Variants in AHCYL2 observed in about 807,000 individuals in gnomAD.
The protein encoded by AHCYL2 is S-adenosylhomocysteine hydrolase-like protein 2.
A neutral mutation model predicts 81.4 loss-of-function variants in AHCYL2; 28 were observed. That is an observed-to-expected ratio of 0.34 (90% confidence interval 0.25 to 0.47). AHCYL2 has a LOEUF of 0.47. Ranked by LOEUF, AHCYL2 falls within the 20% of genes least tolerant of loss-of-function variation. AHCYL2 has a pLI of 1.00. For missense variants in AHCYL2, 551 were observed against 785.1 expected (o/e 0.70, Z 3.56); for synonymous variants, 272 against 290.2 (o/e 0.94, Z 0.64).
intron 1 of AHCYL2, among the ~76,000 whole-genome samples, chr7:129,225,752 G>A (rs1427064765): frequency 1.3e-5 from 2 of 152,266 alleles, no homozygotes; most frequent in East Asian, 1.9e-4. Flanking sequence ...ACGCTCCCGG[G>A]TGTGATTTTC....
chr7:129,386,343 A>G (rs935983264), intron 2 of AHCYL2, among the ~76,000 whole-genome samples: 1 of 152,100 alleles, frequency 6.6e-6, no homozygotes, highest in African/African-American at 2.4e-5. Context: ...GGCTCCTGTA[A>G]TCCCAGCTAC....
chr7:129,271,359 CAAAAAAAAA>C (rs3042852), intron 1 of AHCYL2, among the ~76,000 whole-genome samples: 3 of 86,824 alleles, frequency 3.5e-5, no homozygotes, highest in African/African-American at 1.3e-4. Flanking sequence ...AGACTGTCTC[CAAAAAAAAA>C]AAAAAAAAAA....
At chr7:129,285,044 G>A (rs1796580440) in intron 1 of AHCYL2, among the ~76,000 whole-genome samples, 2 of 152,196 alleles carry the variant, frequency 1.3e-5, no homozygotes, top group African/African-American at 4.8e-5. Flanking sequence ...AGAGGCCAGT[G>A]CTGCTCAGGG....
intron 1 of AHCYL2, among the ~76,000 whole-genome samples, chr7:129,267,049 G>GA (rs1439662142): frequency 6.6e-6 from 1 of 151,998 alleles, no homozygotes; most frequent in Non-Finnish European, 1.5e-5. Context: ...GCAGCCATCA[G>GA]AAATGATGTT....
At chr7:129,377,828 A>G (rs1301962496) in intron 1 of AHCYL2, among the ~76,000 whole-genome samples, 3 of 152,184 alleles carry the variant, frequency 2.0e-5, no homozygotes, top group Non-Finnish European at 2.9e-5. Context: ...TGGAACCTCC[A>G]ACAATAGGAG....
At chr7:129,267,161 T>C (rs1368296143) in intron 1 of AHCYL2, among the ~76,000 whole-genome samples, 1 of 151,646 alleles carries the variant, frequency 6.6e-6, no homozygotes, top group African/African-American at 2.4e-5. Context: ...AAATTTAACA[T>C]GAGTGGGGTG....
chr7:129,230,537 G>C (rs1388688353), intron 1 of AHCYL2, among the ~76,000 whole-genome samples: 2 of 151,160 alleles, frequency 1.3e-5, no homozygotes, highest in Non-Finnish European at 3.0e-5. Flanking sequence ...AATTCAAATA[G>C]TACTCTGTTC....
chr7:129,399,317 C>T (rs745890005), intron 5 of AHCYL2, among the ~76,000 whole-genome samples: 11 of 150,088 alleles, frequency 7.3e-5, no homozygotes, highest in Non-Finnish European at 1.3e-4. Context: ...CGTGGTGCCA[C>T]GCACCTGTAG....
intron 3 of AHCYL2, among the ~76,000 whole-genome samples, 185 bp downstream of exon 3, chr7:129,389,384 TAAAAAA>T (rs11389356): frequency 8.0e-6 from 1 of 124,978 alleles, no homozygotes; most frequent in Non-Finnish European, 1.6e-5. Flanking sequence ...AACCCTGTAT[TAAAAAA>T]AAAAAAAAAA....
chr7:129,225,957 C>G (rs1794200072), intron 1 of AHCYL2, among the ~76,000 whole-genome samples: 1 of 152,190 alleles, frequency 6.6e-6, no homozygotes, highest in Non-Finnish European at 1.5e-5. Context: ...CAACCGTGGC[C>G]ATACAGCAAC....
intron 1 of AHCYL2, among the ~76,000 whole-genome samples, chr7:129,350,804 A>C (rs1448783608): frequency 4.0e-5 from 6 of 149,242 alleles, no homozygotes; most frequent in Non-Finnish European, 7.4e-5. Context: ...CCCAGGTTCA[A>C]GTGCTTCTCC....
At chr7:129,229,546 A>G (rs1794346630) in intron 1 of AHCYL2, among the ~76,000 whole-genome samples, 1 of 152,202 alleles carries the variant, frequency 6.6e-6, no homozygotes, top group African/African-American at 2.4e-5. Context: ...TCCGTCTCCA[A>G]AGCCCATGTC....
At chr7:129,375,398 T>C (rs1467847897) in intron 1 of AHCYL2, among the ~76,000 whole-genome samples, 2 of 152,182 alleles carry the variant, frequency 1.3e-5, no homozygotes, top group Non-Finnish European at 2.9e-5. Context: ...AATTTTTTTC[T>C]AATGAGACTA....
chr7:129,407,799 A>G (rs943926055), intron 10 of AHCYL2, among the ~76,000 whole-genome samples: 3 of 152,246 alleles, frequency 2.0e-5, no homozygotes, highest in Non-Finnish European at 4.4e-5. Flanking sequence ...AAGTGCTGTC[A>G]TGGAGTTAAA....
intron 1 of AHCYL2, among the ~76,000 whole-genome samples, chr7:129,330,841 ATTATG>A (rs1156317342): frequency 6.6e-6 from 1 of 152,236 alleles, no homozygotes; most frequent in South Asian, 2.1e-4. Context: ...TATTTTAAAA[ATTATG>A]TTATGAACAT....
chr7:129,366,944 T>G (rs1448050334), intron 1 of AHCYL2, among the ~76,000 whole-genome samples: 1 of 152,196 alleles, frequency 6.6e-6, no homozygotes, highest in Admixed American at 6.5e-5. Context: ...ATATGTATGA[T>G]GAACACTGGT....
At chr7:129,335,044 G>A (rs1798548415) in intron 1 of AHCYL2, among the ~76,000 whole-genome samples, 2 of 152,074 alleles carry the variant, frequency 1.3e-5, no homozygotes, top group Non-Finnish European at 2.9e-5. Flanking sequence ...TAGTGGTTTG[G>A]AATTTTTTTA....
intron 2 of AHCYL2, among the ~76,000 whole-genome samples, chr7:129,384,031 T>C (rs1795088076): frequency 6.6e-6 from 1 of 152,158 alleles, no homozygotes; most frequent in Non-Finnish European, 1.5e-5. Context: ...AGATAATGCA[T>C]ATGTTAATTA....
chr7:129,423,892 A>G (rs1458753398), intron 13 of AHCYL2, among the ~76,000 whole-genome samples: 1 of 152,130 alleles, frequency 6.6e-6, no homozygotes, highest in Non-Finnish European at 1.5e-5. Flanking sequence ...TGAGGAGGAG[A>G]TGGGCAGATT....
Sources: allele counts gnomAD v4.1 joint callset (sites outside exome capture counted in the v4.1 genomes callset), GRCh38; gene constraint gnomAD v4.1.1; transcripts MANE v1.5; gene names NCBI Gene and HGNC (gene_info 2026-07-23, HGNC 2026-07-21).